The following RAB37 variants were observed in gnomAD, a reference collection of about 807,000 sequenced individuals.
RAB37 encodes the protein ras-related protein Rab-37.
In RAB37, 29 loss-of-function variants were observed where a neutral mutation model predicts 33.1. The observed-to-expected ratio is 0.88, with a 90% CI of 0.65 to 1.20. The LOEUF is 1.20. RAB37 is among the 50% of genes most tolerant of loss of function. The pLI is 0.00. For missense variants in RAB37, 299 were observed against 301.1 expected (o/e 0.99, Z 0.05); for synonymous variants, 128 against 119.5 (o/e 1.07, Z -0.47).
In RAB37 at chr17:74,695,270, C is replaced by T. The variant is rs372911014; in HGVS notation, c.72+23612C>T. Reference sequence around the variant, plus strand: ...AGGAAGCCTGCAGCAAAGGCGGGCTCCAGGTCAGAGAGGACGGCAGGAAGT... The same window carrying T: ...AGGAAGCCTGCAGCAAAGGCGGGCTTCAGGTCAGAGAGGACGGCAGGAAGT... On this transcript the variant is annotated intron_variant, in intron 1 of 7. Coordinates refer to the RAB37 transcript ENST00000340415. The T allele has an allele frequency of 1.9e-5, 30 of 1,613,256 alleles. No individual in the cohort carries two copies. In the African/African-American group the frequency reaches 3.6e-4, roughly 19 times the overall value.
chr17:74,736,806 T>A, upstream of RAB37: 1 of 1,535,030 alleles, frequency 6.5e-7, no homozygotes, highest in Non-Finnish European at 8.7e-7. Flanking sequence ...AGGAAGTGTC[T>A]CGGGGCCATC....
chr17:74,698,695 G>A, intron 1 of RAB37: 1 of 1,231,736 alleles, frequency 8.1e-7, no homozygotes, highest in South Asian at 1.7e-5. Context: ...AGAGACACCA[G>A]GGCCTACTTG....
chr17:74,733,488 G>GTGGTT (rs2034421109), upstream of RAB37, among the ~76,000 whole-genome samples: 1 of 152,244 alleles, frequency 6.6e-6, no homozygotes, highest in African/African-American at 2.4e-5. Context: ...TGTGAGGTGT[G>GTGGTT]TGGTGTGATT....
chr17:74,742,364 A>T lies in RAB37; in HGVS notation c.246+69A>T. The T allele has an allele frequency of 7.6e-7, 1 of 1,314,018 alleles. No homozygotes were observed. The highest frequency in any genetic ancestry group is 1.1e-6 in the Non-Finnish European group (1 of 926,288). The allele number at this position is 1,314,018 out of a possible 1,614,324, so 81.4% of individuals were successfully genotyped here. A position where few individuals can be genotyped will look rare whatever the true frequency, so the allele number is the denominator to read the frequency against. ...GCCCTTCCTTCTCACCCTGAACCAC[A>T]GGAGGCCTGCAGCCCTGCCCTCCGC... On this transcript the variant is annotated intron_variant, in intron 3 of 8. Coordinates refer to ENST00000392613, the MANE Select transcript of RAB37 (RefSeq NM_001006638.3). The surrounding 1 kb of genome is among the most constrained non-coding windows in gnomAD (Gnocchi z 4.0).
At chr17:74,678,754 G>A (rs2031893796) in intron 1 of RAB37, among the ~76,000 whole-genome samples, 1 of 152,150 alleles carries the variant, frequency 6.6e-6, no homozygotes, top group Non-Finnish European at 1.5e-5. Context: ...TGAGCTGTGG[G>A]CAGGGCCAGT....
Position 74,743,315 on chromosome 17 carries a change from A to G in RAB37, c.341A>G (p.Asn114Ser). ...QALLLLYDIT[N>S]KSSFDNIRAW... ...TTGCTTCTGCTGTATGACATCACCA[A>G]CAAATCTTCTTTCGACAACATCAGG... Residue 114 changes from asparagine (N) to serine (S), a missense_variant, in exon 5 of 9, where the codon AAC (asparagine) becomes AGC (serine). By Grantham distance (46) the Asn-to-Ser change is conservative. Transcript: ENST00000392613. 1 of 1,613,978 alleles carries G rather than the reference A, an allele frequency of 6.2e-7. No individual in the cohort carries two copies. Among genetic ancestry groups the G allele is most frequent in the Non-Finnish European group, 8.5e-7 (1 of 1,179,968 alleles).
intron 1 of RAB37, chr17:74,696,166 C>T: frequency 6.3e-7 from 1 of 1,592,156 alleles, no homozygotes; most frequent in Non-Finnish European, 8.5e-7. Flanking sequence ...TGCCTGGTCT[C>T]TCTGGTCCGA....
chr17:74,700,469 G>A (rs772136777), intron 1 of RAB37, among the ~76,000 whole-genome samples: 4 of 151,998 alleles, frequency 2.6e-5, no homozygotes, highest in African/African-American at 4.8e-5. Flanking sequence ...GACTGAGCGC[G>A]GTGGCTTACA....
intron 1 of RAB37, among the ~76,000 whole-genome samples, chr17:74,710,674 C>T (rs2033883392): frequency 6.8e-6 from 1 of 147,436 alleles, no homozygotes; most frequent in Non-Finnish European, 1.5e-5. Flanking sequence ...GCCTAACCAA[C>T]ATGGTAAAAC....
chr17:74,742,132 G>A lies in RAB37; in HGVS notation c.205-122G>A. On this transcript the variant is annotated intron_variant, in intron 2 of 8. Transcript: ENST00000392613. The surrounding 1 kb of genome is among the most constrained non-coding windows in gnomAD (Gnocchi z 4.0). ...CTGCCCTGATGGTATGATCTGGCTG[G>A]AGACGGTTCTGGGGCTCACTGCACC... is the stretch of plus-strand genomic sequence containing the variant. 1 of 1,202,700 alleles carries A rather than the reference G, an allele frequency of 8.3e-7. No homozygotes were observed. Among genetic ancestry groups the A allele is most frequent in the South Asian group, 1.4e-5 (1 of 73,368 alleles). 74.5% of individuals were successfully genotyped at this position (1,202,700 alleles called of 1,614,324 possible). A position where few individuals can be genotyped will look rare whatever the true frequency, so the allele number is the denominator to read the frequency against.
chr17:74,687,801 G>A (rs1293531495), intron 1 of RAB37, among the ~76,000 whole-genome samples: 1 of 152,158 alleles, frequency 6.6e-6, no homozygotes, highest in Non-Finnish European at 1.5e-5. Flanking sequence ...GGAGAACAGT[G>A]TGAACCGGAT....
chr17:74,672,907 G>C (rs1298078087), intron 1 of RAB37: 1 of 152,184 alleles, frequency 6.6e-6, no homozygotes, highest in Non-Finnish European at 1.5e-5. Flanking sequence ...ACAAATGAAA[G>C]AAAATCAGCT....
chr17:74,743,554 C>T (rs768728602), intron 5 of RAB37, among the ~76,000 whole-genome samples: 2 of 152,194 alleles, frequency 1.3e-5, no homozygotes, highest in Non-Finnish European at 2.9e-5. Context: ...TGACCCTGTG[C>T]CACCTGCATA....
chr17:74,695,369 A>G (rs2032340643), intron 1 of RAB37: 2 of 1,241,282 alleles, frequency 1.6e-6, no homozygotes, highest in East Asian at 2.4e-5. Context: ...AATCCCACTC[A>G]AGCCCTCCAG....
Position 74,745,317 on chromosome 17 carries a change from ACCGGGCC to A in RAB37, c.579_585del (p.Tyr193Ter). 6.2e-7 allele frequency: 1 copy of A among 1,613,924 alleles called. No individual in the cohort carries two copies. Among genetic ancestry groups the A allele is most frequent in the Non-Finnish European group, 8.5e-7 (1 of 1,179,978 alleles). On this transcript the variant is annotated frameshift_variant, in exon 9 of 9. Coordinates refer to ENST00000392613, the MANE Select transcript of RAB37 (RefSeq NM_001006638.3). LOFTEE classifies it high-confidence loss of function. This position sits in a 1 kb window ranked among gnomAD's most constrained non-coding sequence, Gnocchi z 4.5. ...GTCTCTTCTTCAAGGGAACTGAAATACCGGGCCGGGCATCAGGCGGATGAGCCCAGCT... is the reference window on the plus strand; with the variant it reads ...GTCTCTTCTTCAAGGGAACTGAAATAGGGCATCAGGCGGATGAGCCCAGCT...
At chr17:74,720,159 G>A (rs140084825) in intron 1 of RAB37, among the ~76,000 whole-genome samples, 258 of 152,310 alleles carry the variant, frequency 1.7e-3, no homozygotes, top group African/African-American at 5.7e-3. Flanking sequence ...CAGCAGGGAC[G>A]AACTTTACTT....
In RAB37 at chr17:74,742,621, T is replaced by C. The variant is rs2034645928; in HGVS notation, c.246+326T>C. Among the ~76,000 whole-genome samples the C allele has an allele frequency of 1.3e-5, 2 of 151,798 alleles. No individual in the cohort carries two copies. Among genetic ancestry groups the C allele is most frequent in the South Asian group, 4.2e-4 (2 of 4,804 alleles). On this transcript the variant is annotated intron_variant, in intron 3 of 8. Transcript: ENST00000392613. This position sits in a 1 kb window ranked among gnomAD's most constrained non-coding sequence, Gnocchi z 4.0. ...GGGAGAGGAGAAGATTCTTTTTTTT[T>C]CTTTTCTTTTCTTTTTTTTTTTGAG...
At chr17:74,736,512 C>A (rs1180640723), upstream of RAB37, 2 of 1,427,098 alleles carry the variant, frequency 1.4e-6, no homozygotes, top group Non-Finnish European at 1.8e-6. Context: ...CTCCTCGGGG[C>A]CAGGGTGAGT....
At chr17:74,704,340 G>GA (rs1241531881) in intron 1 of RAB37, 1 of 660,466 alleles carries the variant, frequency 1.5e-6, no homozygotes, top group Non-Finnish European at 2.6e-6. Context: ...CCAGTCCCAG[G>GA]TGGTCAGTCA....
Sources: allele counts gnomAD v4.1 joint callset (sites outside exome capture counted in the v4.1 genomes callset), GRCh38; gene constraint gnomAD v4.1.1; non-coding constraint Gnocchi (gnomAD v3.1); transcripts MANE v1.5; gene names NCBI Gene and HGNC (gene_info 2026-07-23, HGNC 2026-07-21).